Variants in STRN3 observed in about 807,000 individuals in gnomAD.
STRN3 encodes striatin 3.
STRN3 carries 29 observed loss-of-function variants against 95.6 expected under a neutral mutation model. The observed-to-expected ratio is 0.30, with a 90% CI of 0.23 to 0.41. STRN3 has a LOEUF of 0.41. Among genes scored for constraint, STRN3 ranks in the 10% least tolerant of loss-of-function variants. The pLI is 1.00. For missense variants in STRN3, 890 were observed against 972.1 expected (o/e 0.92, Z 1.12); for synonymous variants, 331 against 357.6 (o/e 0.93, Z 0.84).
intron 15 of STRN3, 121 bp downstream of exon 15, chr14:30,905,297 G>A (rs1168464245): frequency 2.9e-6 from 3 of 1,045,464 alleles, no homozygotes; most frequent in East Asian, 3.0e-5. Context: ...GTAACATTAT[G>A]AAACTAATTA....
chr14:30,934,197 G>A (rs1231696226), intron 7 of STRN3, among the ~76,000 whole-genome samples: 5 of 152,254 alleles, frequency 3.3e-5, no homozygotes, highest in South Asian at 2.1e-4. Context: ...GGTGGTGCAC[G>A]CCTGTAATCC....
chr14:31,026,002 G>T lies in STRN3; in HGVS notation c.184C>A (p.Gln62Lys). 6.4e-7 allele frequency: 1 copy of T among 1,556,172 alleles called. No homozygotes were observed. The change falls in exon 1 of 18, where the codon CAG (glutamine) becomes AAG (lysine). Residue 62 changes from glutamine to lysine, a missense_variant. Physicochemically the swap from Gln to Lys is moderately conservative, Grantham distance 53. This residue lies in a region of STRN3 where 526 missense variants were observed against 526.3 expected (regional missense o/e 1.00). Coordinates refer to ENST00000357479, the MANE Select transcript of STRN3 (RefSeq NM_001083893.2). ...TGCAGTATCCCCGGGATAGTGTACT[G>T]CTGCGGCCGGGACAGCTCGGGGCCT... ...AAGPELSRPQ[Q>K]YTIPGILHYI...
chr14:30,944,876 G>A (rs184742835), intron 5 of STRN3, among the ~76,000 whole-genome samples: 56 of 152,138 alleles, frequency 3.7e-4, no homozygotes, highest in Admixed American at 1.1e-3. Flanking sequence ...GCTTTCCAAA[G>A]TGCTGGGATT....
intron 1 of STRN3, among the ~76,000 whole-genome samples, chr14:30,971,259 G>A (rs1467404472): frequency 6.6e-6 from 1 of 152,118 alleles, no homozygotes; most frequent in African/African-American, 2.4e-5. Flanking sequence ...TAGTCCAATT[G>A]GCTATCCCTT....
intron 7 of STRN3, among the ~76,000 whole-genome samples, chr14:30,931,210 C>G (rs1878520099): frequency 6.6e-6 from 1 of 152,066 alleles, no homozygotes; most frequent in Non-Finnish European, 1.5e-5. Flanking sequence ...CATATGTGCA[C>G]AAACAACATC....
At chr14:30,920,609 G>C (rs958751128) in intron 8 of STRN3, among the ~76,000 whole-genome samples, 1 of 151,982 alleles carries the variant, frequency 6.6e-6, no homozygotes, top group Admixed American at 6.6e-5. Context: ...TTTTAAAAAA[G>C]AATCTCCCTT....
At chr14:30,909,281 G>C (rs527752123) in intron 13 of STRN3, among the ~76,000 whole-genome samples, 53 of 152,172 alleles carry the variant, frequency 3.5e-4, no homozygotes, top group Non-Finnish European at 6.3e-4. Flanking sequence ...GAGGCAGGCA[G>C]ATCACTTGAG....
At chr14:30,910,751 G>A (rs1381536873) in intron 13 of STRN3, among the ~76,000 whole-genome samples, 1 of 151,840 alleles carries the variant, frequency 6.6e-6, no homozygotes, top group Non-Finnish European at 1.5e-5. Context: ...TCAAAATTTT[G>A]TTACTTAGAT....
At chr14:30,922,107 T>G (rs1179713591) in intron 8 of STRN3, among the ~76,000 whole-genome samples, 3 of 152,174 alleles carry the variant, frequency 2.0e-5, no homozygotes, top group African/African-American at 7.2e-5. Context: ...CAGGCTGGTC[T>G]TGAACTCTTA....
intron 1 of STRN3, among the ~76,000 whole-genome samples, chr14:30,975,011 C>T (rs1881021094): frequency 6.7e-6 from 1 of 149,960 alleles, no homozygotes; most frequent in Admixed American, 6.7e-5. Context: ...GCCTGTGAAG[C>T]AATATAATAT....
intron 5 of STRN3, among the ~76,000 whole-genome samples, chr14:30,937,670 A>G (rs780034470): frequency 2.6e-5 from 4 of 152,204 alleles, no homozygotes; most frequent in Non-Finnish European, 5.9e-5. Flanking sequence ...CTCTGCCACT[A>G]AGCAGCTGCT....
chr14:31,005,732 C>G (rs1162074984), intron 1 of STRN3, among the ~76,000 whole-genome samples: 3 of 152,202 alleles, frequency 2.0e-5, no homozygotes, highest in East Asian at 3.8e-4. Context: ...ATGATAAACT[C>G]TATTTTTACA....
chr14:30,983,724 G>GAA (rs1264803111), intron 1 of STRN3, among the ~76,000 whole-genome samples: 1 of 152,010 alleles, frequency 6.6e-6, no homozygotes, highest in Non-Finnish European at 1.5e-5. Context: ...TGAATAAGCT[G>GAA]AAAGAATCCT....
chr14:30,922,287 C>G (rs1024074752), intron 8 of STRN3, among the ~76,000 whole-genome samples: 4 of 152,078 alleles, frequency 2.6e-5, no homozygotes, highest in African/African-American at 9.7e-5. Context: ...CTAAGCATCC[C>G]AAAGTGCTAG....
At chr14:31,004,817 C>G (rs1266163872) in intron 1 of STRN3, among the ~76,000 whole-genome samples, 1 of 151,678 alleles carries the variant, frequency 6.6e-6, no homozygotes, top group Non-Finnish European at 1.5e-5. Context: ...GGAAAGTGAC[C>G]ACATACTGTA....
chr14:31,017,999 A>G (rs1295612501), intron 1 of STRN3, among the ~76,000 whole-genome samples: 3 of 151,308 alleles, frequency 2.0e-5, no homozygotes, highest in Non-Finnish European at 4.4e-5. Context: ...AATTGCTTGA[A>G]CCTGGGAGGC....
chr14:30,980,533 G>C (rs559746019), intron 1 of STRN3, among the ~76,000 whole-genome samples: 1 of 151,562 alleles, frequency 6.6e-6, no homozygotes, highest in African/African-American at 2.4e-5. Flanking sequence ...TCAGCCTCCC[G>C]AGTTGCTGGG....
intron 1 of STRN3, among the ~76,000 whole-genome samples, chr14:30,968,634 G>A (rs541170255): frequency 6.7e-6 from 1 of 149,404 alleles, no homozygotes; most frequent in Admixed American, 6.7e-5. Context: ...AGCCAAGAAG[G>A]CACCACCGCA....
chr14:30,957,860 T>G (rs995040857), intron 1 of STRN3, among the ~76,000 whole-genome samples: 1 of 152,188 alleles, frequency 6.6e-6, no homozygotes, highest in African/African-American at 2.4e-5. Context: ...ATGACACAGG[T>G]GCATTTGTTC....
Sources: gnomAD v4.1 joint callset for allele counts (sites outside exome capture counted in the v4.1 genomes callset) on GRCh38, gnomAD v4.1.1 for gene constraint, gnomAD v4.1.1 regional missense constraint, MANE v1.5 for transcripts, NCBI Gene and HGNC (gene_info 2026-07-23, HGNC 2026-07-21) for gene names.